The following TGFBR2 variants were observed in gnomAD, a reference collection of about 807,000 sequenced individuals.
The protein encoded by TGFBR2 is TGF-beta receptor type-2.
A neutral mutation model predicts 49.0 loss-of-function variants in TGFBR2; 18 were observed. The ratio of observed to expected loss-of-function variants is 0.37; its 90% CI spans 0.25 to 0.54. The LOEUF is 0.54. Ranked by LOEUF, TGFBR2 falls within the 20% of genes least tolerant of loss-of-function variation. The pLI is 0.85. For missense variants in TGFBR2, 525 were observed against 722.6 expected (o/e 0.73, Z 3.13); for synonymous variants, 282 against 275.9 (o/e 1.02, Z -0.22).
In TGFBR2 at chr3:30,606,750, C is replaced by A. The variant is rs1697927744; in HGVS notation, c.-134C>A. The A allele has an allele frequency of 1.7e-6, 1 of 596,724 alleles. No individual in the cohort carries two copies. The highest frequency in any genetic ancestry group is 2.5e-6 in the Non-Finnish European group (1 of 400,420). 37.0% of individuals were successfully genotyped at this position (596,724 alleles called of 1,614,324 possible). On this transcript the variant is annotated 5_prime_UTR_variant, in exon 1 of 7. In the 5' UTR this introduces an upstream ATG that the reference lacks. Coordinates refer to ENST00000295754, the MANE Select transcript of TGFBR2 (RefSeq NM_003242.6). ...CCTGGCTGGCGAGCGGGCGCCACAT[C>A]TGGCCCGCACATCTGCGCTGCCGGC... is the stretch of plus-strand genomic sequence containing the variant.
At chr3:30,680,112 G>A (rs1409571102) in intron 5 of TGFBR2, among the ~76,000 whole-genome samples, 3 of 151,880 alleles carry the variant, frequency 2.0e-5, no homozygotes, top group East Asian at 3.9e-4. Flanking sequence ...GCGACAGAGC[G>A]AGACTCCATC....
chr3:30,670,470 A>G (rs1699318211), intron 3 of TGFBR2, among the ~76,000 whole-genome samples: 1 of 152,222 alleles, frequency 6.6e-6, no homozygotes, highest in Admixed American at 6.5e-5. Flanking sequence ...ATTAATGGGT[A>G]CTTTGGAGGG....
intron 1 of TGFBR2, among the ~76,000 whole-genome samples, chr3:30,618,282 T>G (rs1698165767): frequency 6.7e-6 from 1 of 149,996 alleles, no homozygotes; most frequent in Non-Finnish European, 1.5e-5. Flanking sequence ...CAGGCTGGTG[T>G]ACAGTGGCGC....
intron 1 of TGFBR2, among the ~76,000 whole-genome samples, chr3:30,616,489 G>A (rs1003332419): frequency 6.6e-6 from 1 of 152,140 alleles, no homozygotes; most frequent in Non-Finnish European, 1.5e-5. Context: ...ACTAAGGTAT[G>A]TTGTACCAGG....
rs1050576406 is a variant in TGFBR2, at chr3:30,631,627, T to C, written c.95-13120T>C. Among the ~76,000 whole-genome samples, 41 of 140,784 alleles carry C rather than the reference T, an allele frequency of 2.9e-4. 2 individuals carry two copies. Among genetic ancestry groups the C allele is most frequent in the African/African-American group, 8.1e-4 (26 of 31,950 alleles). The allele number at this position is 140,784 out of a possible 152,430, so 92.4% of individuals were successfully genotyped here. On this transcript the variant is annotated intron_variant, in intron 1 of 6. Transcript: ENST00000295754. ...CAATACTTGCAACTTCTTTCTTTTT[T>C]TTTTTTTTTTTTTTTTACTTCCTCT...
At chr3:30,613,146 T>C (rs1490810061) in intron 1 of TGFBR2, among the ~76,000 whole-genome samples, 1 of 151,642 alleles carries the variant, frequency 6.6e-6, no homozygotes, top group Middle Eastern at 3.4e-3. Flanking sequence ...TTTTTTTTTT[T>C]TTTCTTCTCT....
chr3:30,618,260 C>CG (rs1160794216), intron 1 of TGFBR2, among the ~76,000 whole-genome samples: 1 of 140,470 alleles, frequency 7.1e-6, no homozygotes, highest in African/African-American at 2.7e-5. Context: ...GATGGAATCT[C>CG]GCTCTGTTGC....
intron 5 of TGFBR2, among the ~76,000 whole-genome samples, chr3:30,680,775 C>T (rs535587487): frequency 4.6e-5 from 7 of 152,102 alleles, no homozygotes; most frequent in South Asian, 2.1e-4. Flanking sequence ...TACTGTTCTA[C>T]GAAAAAGGAG....
chr3:30,619,558 C>T (rs1404939987), intron 1 of TGFBR2, among the ~76,000 whole-genome samples: 1 of 152,144 alleles, frequency 6.6e-6, no homozygotes, highest in African/African-American at 2.4e-5. Flanking sequence ...GAAGCCAAAC[C>T]TCTTGCCCAT....
chr3:30,632,488 C>T (rs1211555143), intron 1 of TGFBR2, among the ~76,000 whole-genome samples: 1 of 152,200 alleles, frequency 6.6e-6, no homozygotes, highest in African/African-American at 2.4e-5. Context: ...TATTTGAAAG[C>T]ATCAGGGCAC....
intron 1 of TGFBR2, among the ~76,000 whole-genome samples, chr3:30,636,155 ATGTGTGTGTGTGTG>A (rs61296907): frequency 2.8e-3 from 380 of 134,720 alleles, no homozygotes; most frequent in African/African-American, 9.4e-3. Context: ...ATATATATGT[ATGTGTGTGTGTGTG>A]TGTGTGTGTG....
intron 3 of TGFBR2, among the ~76,000 whole-genome samples, chr3:30,666,133 G>T (rs1253519710): frequency 2.0e-5 from 3 of 152,126 alleles, no homozygotes; most frequent in Non-Finnish European, 4.4e-5. Context: ...CAAATTCACA[G>T]ACCCACTGAA....
chr3:30,614,209 G>A (rs1244122702), intron 1 of TGFBR2, among the ~76,000 whole-genome samples: 1 of 145,264 alleles, frequency 6.9e-6, no homozygotes, highest in Non-Finnish European at 1.5e-5. Flanking sequence ...AAGTTTATCT[G>A]AATGTTTTTT....
intron 3 of TGFBR2, among the ~76,000 whole-genome samples, chr3:30,654,623 T>G (rs555280204): frequency 6.6e-6 from 1 of 152,240 alleles, no homozygotes; most frequent in African/African-American, 2.4e-5. Flanking sequence ...AAATTCCAAT[T>G]AGAAGAGAAG....
At chr3:30,635,024 C>A (rs1698504097) in intron 1 of TGFBR2, among the ~76,000 whole-genome samples, 1 of 152,226 alleles carries the variant, frequency 6.6e-6, no homozygotes, top group East Asian at 1.9e-4. Flanking sequence ...GATAAAGGCA[C>A]TGTTAAAGTG....
chr3:30,689,563 C>G (rs1488959132), intron 6 of TGFBR2, among the ~76,000 whole-genome samples: 1 of 152,172 alleles, frequency 6.6e-6, no homozygotes, highest in African/African-American at 2.4e-5. Flanking sequence ...CTGTGCCAGT[C>G]CTGGCCCAGA....
rs1401252674 is a variant in TGFBR2 at position 30,606,867 on chromosome 3, G to T, written c.-17G>T. The T allele has an allele frequency of 1.3e-6, 2 of 1,486,146 alleles. No individual in the cohort carries two copies. The highest frequency in any genetic ancestry group is 2.7e-5 in the East Asian group (1 of 37,072). 92.1% of individuals were successfully genotyped at this position (1,486,146 alleles called of 1,614,324 possible). ...CTGCGCTGGGGGCTCGGTCTATGACGAGCAGCGGGGTCTGCCATGGGTCGG... is the reference window on the plus strand; with the variant it reads ...CTGCGCTGGGGGCTCGGTCTATGACTAGCAGCGGGGTCTGCCATGGGTCGG... On this transcript the variant is annotated 5_prime_UTR_variant, in exon 1 of 7. Coordinates refer to ENST00000295754, the MANE Select transcript of TGFBR2 (RefSeq NM_003242.6).
chr3:30,631,665 T>C (rs1363835733), intron 1 of TGFBR2, among the ~76,000 whole-genome samples: 3 of 146,416 alleles, frequency 2.0e-5, no homozygotes, highest in African/African-American at 7.6e-5. Flanking sequence ...TTGAAAAACA[T>C]GAAGGGGGAA....
intron 2 of TGFBR2, among the ~76,000 whole-genome samples, chr3:30,645,405 T>A (rs11129422): frequency 0.35 from 52,467 of 151,464 alleles, 9,487 homozygotes; most frequent in East Asian, 0.69. Context: ...ACAACCTGTT[T>A]TTTTAGTCAG....
Sources: gnomAD v4.1 joint callset for allele counts (sites outside exome capture counted in the v4.1 genomes callset) on GRCh38, gnomAD v4.1.1 for gene constraint, MANE v1.5 for transcripts, NCBI Gene and HGNC (gene_info 2026-07-23, HGNC 2026-07-21) for gene names.